The following UTRN variants were observed in gnomAD, a reference collection of about 807,000 sequenced individuals.
The protein encoded by UTRN is utrophin, also known as dystrophin-related protein 1.
A neutral mutation model predicts 463.9 loss-of-function variants in UTRN; 283 were observed. That is an observed-to-expected ratio of 0.61 (90% CI 0.55 to 0.67). The LOEUF is 0.67. Ranked by LOEUF, UTRN falls within the 30% of genes least tolerant of loss-of-function variation. UTRN has a pLI of 0.00. For missense variants in UTRN, 3,922 were observed against 4,084.3 expected, an observed-to-expected ratio of 0.96 and a Z score of 1.08; for synonymous variants, 1,442 against 1,431.5, an observed-to-expected ratio of 1.01 and a Z score of -0.17.
At chr6:144,485,203 C>A (rs981708878) in intron 27 of UTRN, among the ~76,000 whole-genome samples, 182 bp from the exon 28 acceptor site, 3 of 152,164 alleles carry the variant, frequency 2.0e-5, no homozygotes, top group Non-Finnish European at 4.4e-5. Flanking sequence ...GGATTACAGG[C>A]GTGAGCCACC....
chr6:144,643,210 G>C lies in UTRN; in HGVS notation c.7480-35196G>C, dbSNP rs544221390. Among the ~76,000 whole-genome samples the C allele has an allele frequency of 2.0e-5, 3 of 152,238 alleles. No homozygotes were observed. In the East Asian group the frequency reaches 5.8e-4, roughly 29 times the overall value. ...ATCAGAAAATGATGGAGACTAGAAA[G>C]TAACATACATGAGTGGTTATCATTT... On this transcript the variant is annotated intron_variant, in intron 51 of 74. Coordinates refer to ENST00000367545, the MANE Select transcript of UTRN (RefSeq NM_007124.3).
intron 2 of UTRN, among the ~76,000 whole-genome samples, chr6:144,377,520 C>T (rs1014891046): frequency 1.4e-4 from 22 of 152,226 alleles, no homozygotes; most frequent in Non-Finnish European, 2.4e-4. Flanking sequence ...GAATTCAGAG[C>T]CTTGATGCTA....
intron 3 of UTRN, among the ~76,000 whole-genome samples, chr6:144,411,457 C>T (rs929490522): frequency 2.0e-5 from 3 of 152,034 alleles, no homozygotes; most frequent in Admixed American, 6.6e-5. Context: ...CCTGATTGTC[C>T]GTGGAGTATG....
At chr6:144,692,255 G>C (rs1783498021) in intron 52 of UTRN, among the ~76,000 whole-genome samples, 1 of 152,156 alleles carries the variant, frequency 6.6e-6, no homozygotes, top group Non-Finnish European at 1.5e-5. Context: ...GTATTCCATG[G>C]TGTATATGTA....
intron 33 of UTRN, among the ~76,000 whole-genome samples, 155 bp from the exon 34 acceptor site, chr6:144,499,102 A>G (rs964396582): frequency 6.6e-6 from 1 of 152,178 alleles, no homozygotes; most frequent in Non-Finnish European, 1.5e-5. Flanking sequence ...CAGAAATGCA[A>G]GCTTAGAGGA....
intron 61 of UTRN, among the ~76,000 whole-genome samples, chr6:144,786,138 T>C (rs1358997598): frequency 6.6e-6 from 1 of 152,208 alleles, no homozygotes; most frequent in African/African-American, 2.4e-5. Context: ...CTCACTAATA[T>C]ATTTTACTGT....
chr6:144,443,977 A>G (rs760865307), intron 13 of UTRN, among the ~76,000 whole-genome samples: 2 of 152,188 alleles, frequency 1.3e-5, no homozygotes, highest in Non-Finnish European at 2.9e-5. Context: ...TAAAAATGTC[A>G]TATTCTCATA....
In UTRN at chr6:144,590,956, C is replaced by G. The variant is rs77446998; in HGVS notation, c.7479+13668C>G. Among the ~76,000 whole-genome samples, 945 of 151,610 alleles carry G rather than the reference C, an allele frequency of 6.2e-3. 16 individuals are homozygous for G. The highest frequency in any genetic ancestry group is 0.059 in the East Asian group (305 of 5,158). On this transcript the variant is annotated intron_variant, in intron 51 of 74. Transcript: ENST00000367545. ...TATTGATAAAATGGTAAAAACAAAG[C>G]CTGGCACATATCTGCTATGTGGGTT...
At chr6:144,801,021 G>A (rs1777656771) in intron 64 of UTRN, among the ~76,000 whole-genome samples, 3 of 152,128 alleles carry the variant, frequency 2.0e-5, no homozygotes, top group Admixed American at 2.0e-4. Context: ...TATAAAGATG[G>A]CTCAGGAAAA....
chr6:144,394,097 T>C (rs985296398), intron 2 of UTRN, among the ~76,000 whole-genome samples: 2 of 152,222 alleles, frequency 1.3e-5, no homozygotes, highest in African/African-American at 4.8e-5. Flanking sequence ...AACTGTATTA[T>C]TGCTGGTCCA....
intron 51 of UTRN, among the ~76,000 whole-genome samples, chr6:144,627,826 G>A (rs1776105231): frequency 7.5e-6 from 1 of 132,498 alleles, no homozygotes; most frequent in East Asian, 2.2e-4. Context: ...TTGAGGTGGA[G>A]TCTCGCTCTG....
intron 19 of UTRN, 64 bp downstream of exon 19, chr6:144,453,933 T>C: frequency 6.9e-7 from 1 of 1,441,384 alleles, no homozygotes; most frequent in Non-Finnish European, 9.5e-7. Flanking sequence ...TATTACAGTT[T>C]GCCCTATTAA....
chr6:144,598,071 T>C (rs1188270370), intron 51 of UTRN, among the ~76,000 whole-genome samples: 1 of 152,196 alleles, frequency 6.6e-6, no homozygotes, highest in Non-Finnish European at 1.5e-5. Flanking sequence ...AGGATGAATC[T>C]GTGAACGAAA....
intron 51 of UTRN, among the ~76,000 whole-genome samples, chr6:144,619,511 C>T (rs895720927): frequency 8.5e-5 from 13 of 152,156 alleles, no homozygotes; most frequent in Admixed American, 5.9e-4. Context: ...ACCTTTAAAA[C>T]TTTTGGGTGT....
chr6:144,385,532 C>T (rs1781333339), intron 2 of UTRN, among the ~76,000 whole-genome samples: 1 of 152,106 alleles, frequency 6.6e-6, no homozygotes, highest in Admixed American at 6.5e-5. Context: ...CTTAAAAGAC[C>T]AGCAAATGTT....
At chr6:144,372,783 G>C (rs1052955849) in intron 2 of UTRN, among the ~76,000 whole-genome samples, 1 of 152,074 alleles carries the variant, frequency 6.6e-6, no homozygotes. Flanking sequence ...GATTATAGGC[G>C]TGAGTCATCA....
intron 37 of UTRN, among the ~76,000 whole-genome samples, chr6:144,515,443 AT>A (rs1795531721): frequency 6.6e-6 from 1 of 152,038 alleles, no homozygotes; most frequent in South Asian, 2.1e-4. Flanking sequence ...GTCACACTCT[AT>A]ATATGTCTTC....
intron 63 of UTRN, among the ~76,000 whole-genome samples, chr6:144,796,137 C>T (rs1359841271): frequency 6.6e-6 from 1 of 152,106 alleles, no homozygotes; most frequent in Non-Finnish European, 1.5e-5. Context: ...ATATGGCTAG[C>T]CAGTTTTCCC....
rs561182835 is a variant in UTRN, at chr6:144,610,957, T to G, written c.7479+33669T>G. 2.6e-5 allele frequency among the ~76,000 whole-genome samples: 4 copies of G among 152,088 alleles called. No homozygotes were observed. The East Asian group carries it at 7.7e-4, about 29-fold the overall frequency. ...ATAATGAATACAGGTGAAAAAACCC[T>G]CAACAAACTATTAGCAAACCAAATT... On this transcript the variant is annotated intron_variant, in intron 51 of 74. Coordinates refer to ENST00000367545, the MANE Select transcript of UTRN (RefSeq NM_007124.3).
Sources: allele counts gnomAD v4.1 joint callset (sites outside exome capture counted in the v4.1 genomes callset), GRCh38; gene constraint gnomAD v4.1.1; transcripts MANE v1.5; gene names NCBI Gene and HGNC (gene_info 2026-07-23, HGNC 2026-07-21).